SV2C: variants seen among roughly 807,000 people sequenced by gnomAD.
SV2C encodes synaptic vesicle glycoprotein 2C.
Under a neutral mutation model 79.7 loss-of-function variants are expected in SV2C, and 49 were observed. The ratio of observed to expected loss-of-function variants is 0.61; its 90% confidence interval spans 0.49 to 0.78. SV2C has a LOEUF of 0.78. Among genes scored for constraint, SV2C ranks in the 30% least tolerant of loss-of-function variants. The pLI is 0.00. For synonymous variants in SV2C, 334 were observed against 333.2 expected (o/e 1.00, Z -0.03); for missense variants, 833 against 912.9 (o/e 0.91, Z 1.13).
intron 12 of SV2C, among the ~76,000 whole-genome samples, chr5:76,348,850 A>G (rs970728521): frequency 1.3e-5 from 2 of 152,078 alleles, no homozygotes; most frequent in Non-Finnish European, 1.5e-5. Flanking sequence ...AATACAAAAA[A>G]TTATCTGGGC....
At chr5:76,248,225 G>A (rs1746004555) in intron 4 of SV2C, among the ~76,000 whole-genome samples, 1 of 152,170 alleles carries the variant, frequency 6.6e-6, no homozygotes, top group Non-Finnish European at 1.5e-5. Context: ...CCATAACAAA[G>A]TGCCACAGAC....
At chr5:76,336,616 T>G, downstream of SV2C, among the ~76,000 whole-genome samples, 1 of 147,972 alleles carries the variant, frequency 6.8e-6, no homozygotes, top group East Asian at 2.0e-4. Context: ...GAGCACCAAG[T>G]GAACCAGACT....
At chr5:75,975,228 G>A in the SV2C span, among the ~76,000 whole-genome samples, 2 of 152,072 alleles carry the variant, frequency 1.3e-5, no homozygotes, top group Non-Finnish European at 2.9e-5. Context: ...ATAAATTCAG[G>A]TCAGATCACA....
chr5:76,032,596 C>T, the SV2C span, among the ~76,000 whole-genome samples: 2 of 152,170 alleles, frequency 1.3e-5, no homozygotes, highest in Non-Finnish European at 2.9e-5. Context: ...TTTATGGCTG[C>T]ATAGTATTCC....
intron 1 of SV2C, among the ~76,000 whole-genome samples, chr5:76,103,693 C>T (rs966254098): frequency 6.6e-6 from 1 of 152,152 alleles, no homozygotes; most frequent in Non-Finnish European, 1.5e-5. Context: ...GTTAGGGCAC[C>T]TAGACTGTTT....
At chr5:76,182,392 C>T (rs1743762178) in intron 2 of SV2C, among the ~76,000 whole-genome samples, 1 of 152,160 alleles carries the variant, frequency 6.6e-6, no homozygotes, top group South Asian at 2.1e-4. Context: ...CAACTATGGT[C>T]TCTGATAACT....
rs1177190901 is a variant in SV2C at position 76,231,863 on chromosome 5, G to A, written c.913+21976G>A. Among the ~76,000 whole-genome samples, 8 of 146,076 alleles carry A rather than the reference G, an allele frequency of 5.5e-5. No homozygotes were observed. In the East Asian group the frequency reaches 1.4e-3, roughly 25 times the overall value. ...TGTTGGACATTTGGGTTGGTTCCAA[G>A]TCTTTGCTATTGTGAATAATGCCGC... On this transcript the variant is annotated intron_variant, in intron 4 of 12. Transcript: ENST00000502798.
intron 4 of SV2C, among the ~76,000 whole-genome samples, chr5:76,229,832 C>G (rs1745359659): frequency 6.6e-6 from 1 of 152,204 alleles, no homozygotes; most frequent in African/African-American, 2.4e-5. Flanking sequence ...GAAGCTTGAA[C>G]TAAAATTCTG....
In SV2C at chr5:76,330,132, G is replaced by A. The variant is rs941876093; in HGVS notation, c.*4585G>A. The A allele has an allele frequency of 2.6e-5, 4 of 151,464 alleles. No individual in the cohort carries two copies. The highest frequency in any genetic ancestry group is 7.3e-5 in the African/African-American group (3 of 41,186). The allele number at this position is 151,464 out of a possible 1,614,324, so 9.4% of individuals were successfully genotyped here. A position where few individuals can be genotyped will look rare whatever the true frequency, so the allele number is the denominator to read the frequency against. ...GTGTCCCTTCATTGTTTCAGGTATG[G>A]CGTAACAGTTCTCCGTGTGATGTTC... On this transcript the variant is annotated 3_prime_UTR_variant, in exon 13 of 13. Transcript: ENST00000502798.
At chr5:76,217,385 GGAA>G (rs1159601537) in intron 4 of SV2C, among the ~76,000 whole-genome samples, 1 of 152,190 alleles carries the variant, frequency 6.6e-6, no homozygotes, top group African/African-American at 2.4e-5. Flanking sequence ...TCAACAAGAA[GGAA>G]GAAGAAAGTC....
chr5:76,104,004 A>G (rs1272438166), intron 1 of SV2C, among the ~76,000 whole-genome samples: 3 of 152,208 alleles, frequency 2.0e-5, no homozygotes, highest in African/African-American at 7.2e-5. Context: ...AATGTATAAA[A>G]AGTATATACA....
intron 4 of SV2C, among the ~76,000 whole-genome samples, chr5:76,277,844 CAA>C (rs1460832961): frequency 1.3e-5 from 2 of 151,498 alleles, no homozygotes; most frequent in African/African-American, 2.4e-5. Flanking sequence ...TAGGGACAGA[CAA>C]GAGATCAGTG....
At chr5:76,077,614 C>T in the SV2C span, among the ~76,000 whole-genome samples, 1 of 152,182 alleles carries the variant, frequency 6.6e-6, no homozygotes, top group Non-Finnish European at 1.5e-5. Context: ...GGGCACCAGC[C>T]ACAAGAGCAA....
the SV2C span, among the ~76,000 whole-genome samples, chr5:75,917,340 A>G: frequency 6.6e-6 from 1 of 152,226 alleles, no homozygotes; most frequent in Non-Finnish European, 1.5e-5. Flanking sequence ...CTGCCTGTAT[A>G]TAACTTCTGA....
chr5:75,896,730 T>A, the SV2C span, among the ~76,000 whole-genome samples: 1 of 150,002 alleles, frequency 6.7e-6, no homozygotes, highest in Admixed American at 6.6e-5. Context: ...CCAGCACCTG[T>A]TGTTTCCTGA....
intron 12 of SV2C, among the ~76,000 whole-genome samples, chr5:76,322,444 G>A (rs781258138): frequency 6.6e-6 from 1 of 152,124 alleles, no homozygotes; most frequent in Non-Finnish European, 1.5e-5. Flanking sequence ...TCAATATAGT[G>A]AAAGTGGCCA....
At chr5:75,858,223 T>G in the SV2C span, among the ~76,000 whole-genome samples, 1 of 152,222 alleles carries the variant, frequency 6.6e-6, no homozygotes, top group Non-Finnish European at 1.5e-5. Context: ...CCATTCAGCG[T>G]GATGCTAGGT....
chr5:76,196,591 T>C (rs112471783), intron 3 of SV2C, among the ~76,000 whole-genome samples: 210 of 152,308 alleles, frequency 1.4e-3, no homozygotes, highest in African/African-American at 4.8e-3. Flanking sequence ...TTAAAGGACC[T>C]TCTCAGTGAG....
intron 12 of SV2C, among the ~76,000 whole-genome samples, chr5:76,319,158 C>A (rs1327018210): frequency 1.3e-5 from 2 of 152,092 alleles, no homozygotes; most frequent in African/African-American, 2.4e-5. Flanking sequence ...CGCCTGTAAT[C>A]CCAGCCCTTT....
Sources: allele counts gnomAD v4.1 joint callset (sites outside exome capture counted in the v4.1 genomes callset), GRCh38; gene constraint gnomAD v4.1.1; transcripts MANE v1.5; gene names NCBI Gene and HGNC (gene_info 2026-07-23, HGNC 2026-07-21).